The following AGMO variants were observed in gnomAD, a reference collection of about 807,000 sequenced individuals.
The protein encoded by AGMO is alkylglycerol monooxygenase.
A neutral mutation model predicts 60.2 loss-of-function variants in AGMO; 75 were observed. The observed-to-expected ratio is 1.25, with a 90% CI of 1.03 to 1.51. AGMO has a LOEUF of 1.51. AGMO is among the 40% of genes most tolerant of loss of function. AGMO has a pLI of 0.00. For missense variants in AGMO, 763 were observed against 525.5 expected (o/e 1.45, Z -4.42); for synonymous variants, 261 against 177.1 (o/e 1.47, Z -3.76).
chr7:15,203,410 C>T (rs1371768826), intron 12 of AGMO, among the ~76,000 whole-genome samples: 2 of 152,114 alleles, frequency 1.3e-5, no homozygotes, highest in Non-Finnish European at 2.9e-5. Context: ...TCACAAAAAT[C>T]TTCCCTTTTC....
At chr7:15,375,540 A>T (rs990095517) in intron 10 of AGMO, among the ~76,000 whole-genome samples, 4 of 151,590 alleles carry the variant, frequency 2.6e-5, no homozygotes, top group Non-Finnish European at 4.4e-5. Flanking sequence ...GGGATTACAG[A>T]CACCTGCCAC....
chr7:15,120,486 T>C, the AGMO span, among the ~76,000 whole-genome samples: 13 of 152,266 alleles, frequency 8.5e-5, no homozygotes, highest in East Asian at 7.8e-4. Context: ...TAATTAGTTA[T>C]AGATAATGTC....
intron 3 of AGMO, among the ~76,000 whole-genome samples, chr7:15,528,797 C>A (rs867008154): frequency 6.6e-6 from 1 of 152,000 alleles, no homozygotes; most frequent in South Asian, 2.1e-4. Context: ...TACAGGCATG[C>A]GCCACCACAC....
At chr7:15,318,029 C>T (rs1440797619) in intron 12 of AGMO, among the ~76,000 whole-genome samples, 8 of 141,018 alleles carry the variant, frequency 5.7e-5, no homozygotes, top group Non-Finnish European at 9.1e-5. Flanking sequence ...TTTTTGAGAG[C>T]GTATCTTGCT....
intron 3 of AGMO, among the ~76,000 whole-genome samples, chr7:15,503,482 A>G (rs890179520): frequency 6.6e-6 from 1 of 152,070 alleles, no homozygotes; most frequent in African/African-American, 2.4e-5. Flanking sequence ...GTTGAGTACA[A>G]TTAAACAAAA....
chr7:15,482,504 A>G (rs78211943), intron 3 of AGMO, among the ~76,000 whole-genome samples: 4,588 of 152,256 alleles, frequency 0.03, 95 homozygotes, highest in Middle Eastern at 0.054. Context: ...TGAATCTGTA[A>G]TTAGAAATCA....
intron 2 of AGMO, among the ~76,000 whole-genome samples, chr7:15,553,316 T>C (rs1785028838): frequency 1.4e-5 from 2 of 147,766 alleles, no homozygotes; most frequent in Admixed American, 6.7e-5. Flanking sequence ...AAACTTAAAG[T>C]ATAATAAAAA....
At chr7:15,230,265 T>C (rs1401102216) in intron 12 of AGMO, among the ~76,000 whole-genome samples, 4 of 152,288 alleles carry the variant, frequency 2.6e-5, no homozygotes, top group Non-Finnish European at 5.9e-5. Context: ...CCCTTTTTCT[T>C]AGCAAGAGTA....
At chr7:15,380,202 G>A (rs1168780668) in intron 10 of AGMO, among the ~76,000 whole-genome samples, 1 of 152,010 alleles carries the variant, frequency 6.6e-6, no homozygotes, top group Non-Finnish European at 1.5e-5. Context: ...GCAACAATAA[G>A]AAGAGAGGAG....
At chr7:15,303,322 G>A (rs1780508168) in intron 12 of AGMO, among the ~76,000 whole-genome samples, 1 of 151,716 alleles carries the variant, frequency 6.6e-6, no homozygotes, top group Non-Finnish European at 1.5e-5. Flanking sequence ...GCTTATTTTT[G>A]TATTTAAGAT....
At chr7:15,506,153 G>C (rs966574288) in intron 3 of AGMO, among the ~76,000 whole-genome samples, 7 of 152,044 alleles carry the variant, frequency 4.6e-5, no homozygotes, top group Non-Finnish European at 1.0e-4. Flanking sequence ...TTTGAACTCA[G>C]ATACTTGAAT....
chr7:15,390,970 T>A, intron 6 of AGMO, 65 bp from the exon 7 acceptor site: 1 of 976,914 alleles, frequency 1.0e-6, no homozygotes, highest in South Asian at 1.6e-5. Context: ...GATACTTCCA[T>A]CTTGTTTTTT....
At chr7:15,286,335 T>A (rs1054272995) in intron 12 of AGMO, among the ~76,000 whole-genome samples, 1 of 151,914 alleles carries the variant, frequency 6.6e-6, no homozygotes, top group East Asian at 1.9e-4. Context: ...GACAAAGAAC[T>A]AATATTCAGA....
chr7:15,457,870 T>TACAG (rs1478086465), intron 3 of AGMO, among the ~76,000 whole-genome samples: 4 of 152,156 alleles, frequency 2.6e-5, no homozygotes, highest in Admixed American at 2.6e-4. Flanking sequence ...TACTCTTTGG[T>TACAG]ACAGACACAT....
At chr7:15,376,582 A>C (rs569504628) in intron 10 of AGMO, among the ~76,000 whole-genome samples, 1 of 152,222 alleles carries the variant, frequency 6.6e-6, no homozygotes, top group South Asian at 2.1e-4. Context: ...GTTCAAATGT[A>C]TCTGCAGTAA....
At chr7:15,481,306 A>G (rs1181230501) in intron 3 of AGMO, among the ~76,000 whole-genome samples, 1 of 152,186 alleles carries the variant, frequency 6.6e-6, no homozygotes. Context: ...TCAGTAGGAA[A>G]GGACTCTGAG....
At chr7:15,380,836 A>G (rs1191835358) in intron 10 of AGMO, among the ~76,000 whole-genome samples, 1 of 152,178 alleles carries the variant, frequency 6.6e-6, no homozygotes, top group Non-Finnish European at 1.5e-5. Flanking sequence ...AAACAGTCAC[A>G]TAGACCAATG....
intron 12 of AGMO, among the ~76,000 whole-genome samples, chr7:15,216,606 C>G (rs145620196): frequency 1.4e-4 from 21 of 152,132 alleles, no homozygotes; most frequent in African/African-American, 4.1e-4. Flanking sequence ...AATGAAGTGT[C>G]ACTAAAATTC....
intron 3 of AGMO, among the ~76,000 whole-genome samples, chr7:15,490,098 T>G (rs545856100): frequency 1.3e-5 from 2 of 152,326 alleles, no homozygotes; most frequent in East Asian, 3.9e-4. Flanking sequence ...CTTTTAGAAG[T>G]CTTAAACAAA....
Sources: allele counts gnomAD v4.1 joint callset (sites outside exome capture counted in the v4.1 genomes callset), GRCh38; gene constraint gnomAD v4.1.1; transcripts MANE v1.5; gene names NCBI Gene and HGNC (gene_info 2026-07-23, HGNC 2026-07-21).